The following GNAT3 variants were observed in gnomAD, a reference collection of about 807,000 sequenced individuals.
The protein encoded by GNAT3 is guanine nucleotide-binding protein G(t) subunit alpha-3.
Under a neutral mutation model 37.7 loss-of-function variants are expected in GNAT3, and 31 were observed. The observed-to-expected ratio is 0.82, with a 90% CI of 0.62 to 1.11. The LOEUF (loss-of-function observed/expected upper bound fraction) is 1.11, where lower values mean the gene tolerates loss of function less well. Ranked by LOEUF, GNAT3 falls within the 50% of genes most tolerant of loss-of-function variation. The pLI, the probability that GNAT3 is intolerant of heterozygous loss-of-function variation, is 0.00. For synonymous variants in GNAT3, 138 were observed against 139.8 expected, an observed-to-expected ratio of 0.99 and a Z score of 0.09; for missense variants, 437 against 412.5, an observed-to-expected ratio of 1.06 and a Z score of -0.51.
chr7:80,472,312 C>T (rs955112060), intron 5 of GNAT3, among the ~76,000 whole-genome samples: 2 of 152,074 alleles, frequency 1.3e-5, no homozygotes, highest in Non-Finnish European at 2.9e-5. Context: ...TCAAGAGCTA[C>T]AATCAGCCAG....
chr7:80,473,890 A>T (rs1444047635), intron 5 of GNAT3, among the ~76,000 whole-genome samples: 1 of 152,232 alleles, frequency 6.6e-6, no homozygotes, highest in African/African-American at 2.4e-5. Flanking sequence ...AAATAGGAAA[A>T]TAGAAAGGCA....
Position 80,511,896 on chromosome 7 carries a change from C to G in GNAT3, c.31G>C (p.Glu11Gln). The G allele has an allele frequency of 6.2e-7, 1 of 1,611,674 alleles. No individual in the cohort carries two copies. The highest frequency in any genetic ancestry group is 8.5e-7 in the Non-Finnish European group (1 of 1,178,544). Residue 11 changes from glutamate (E) to glutamine (Q), a missense_variant, in exon 1 of 8, where the codon GAG becomes CAG. Physicochemically the swap from Glu to Gln is conservative, Grantham distance 29. Coordinates refer to ENST00000398291, the MANE Select transcript of GNAT3 (RefSeq NM_001102386.3). MGSGISSESK[E>Q]SAKRSKELEK... ...AGTTCTTTTGATCTTTTGGCTGACT[C>G]CTTGCTCTCTGAACTAATTCCACTT...
At chr7:80,469,696 G>A (rs1790178323) in intron 5 of GNAT3, among the ~76,000 whole-genome samples, 1 of 152,048 alleles carries the variant, frequency 6.6e-6, no homozygotes, top group Non-Finnish European at 1.5e-5. Flanking sequence ...CTTATGCTAT[G>A]TGAATACAAA....
At chr7:80,485,726 A>G (rs1790467686) in intron 3 of GNAT3, among the ~76,000 whole-genome samples, 1 of 152,160 alleles carries the variant, frequency 6.6e-6, no homozygotes, top group South Asian at 2.1e-4. Flanking sequence ...CTAAATTTTA[A>G]TGATCCTATA....
intron 7 of GNAT3, among the ~76,000 whole-genome samples, chr7:80,459,623 G>A (rs918407702): frequency 6.6e-6 from 1 of 152,160 alleles, no homozygotes; most frequent in Admixed American, 6.5e-5. Flanking sequence ...AATAAAACAA[G>A]TAGGCTAAAA....
chr7:80,475,499 T>C (rs1790288543), intron 4 of GNAT3, among the ~76,000 whole-genome samples: 1 of 152,134 alleles, frequency 6.6e-6, no homozygotes, highest in African/African-American at 2.4e-5. Flanking sequence ...AGTAATAGCA[T>C]GGTAATGCCT....
chr7:80,475,255 G>A (rs796864527), intron 4 of GNAT3, among the ~76,000 whole-genome samples: 1 of 150,546 alleles, frequency 6.6e-6, no homozygotes, highest in African/African-American at 2.4e-5. Context: ...TGATGAACAG[G>A]AATAAGTCTA....
Position 80,497,671 on chromosome 7 carries a change from C to CACATATACGTAT in GNAT3, c.119-3025_119-3024insATACGTATATGT, listed in dbSNP as rs1790758297. Among the ~76,000 whole-genome samples, 6 of 91,152 alleles carry CACATATACGTAT rather than the reference C, an allele frequency of 6.6e-5. 1 individual carries two copies. The highest frequency in any genetic ancestry group is 6.4e-4 in the African/African-American group (6 of 9,364). The allele number at this position is 91,152 out of a possible 152,430, so 59.8% of individuals were successfully genotyped here. A position where few individuals can be genotyped will look rare whatever the true frequency, so the allele number is the denominator to read the frequency against. ...ATACGTATATACATATACGTATATA[C>CACATATACGTAT]ATACATATATACACACACACTGTCT... On this transcript the variant is annotated intron_variant, in intron 1 of 7. Transcript: ENST00000398291.
chr7:80,463,011 G>A (rs1361826843), intron 5 of GNAT3, among the ~76,000 whole-genome samples: 1 of 152,062 alleles, frequency 6.6e-6, no homozygotes, highest in Admixed American at 6.5e-5. Context: ...TAGTTCTGAT[G>A]TTATGATTCT....
chr7:80,458,826 T>C lies in GNAT3; in HGVS notation c.910A>G (p.Lys304Glu). The C allele has an allele frequency of 6.3e-7, 1 of 1,592,076 alleles. No individual in the cohort carries two copies. The highest frequency in any genetic ancestry group is 1.8e-5 in the Admixed American group (1 of 55,760). ...NTFEDAGNYI[K>E]NQFLDLNLKK... ...AAATTCAGGTCTAGAAACTGGTTCT[T>C]GATGTAGTTTCCTGCATCTTCAAAT... Residue 304 changes from lysine to glutamate, a missense_variant, in exon 8 of 8, where the codon AAG becomes GAG. Transcript: ENST00000398291.
At chr7:80,472,699 G>A (rs1191116514) in intron 5 of GNAT3, among the ~76,000 whole-genome samples, 1 of 152,088 alleles carries the variant, frequency 6.6e-6, no homozygotes, top group Non-Finnish European at 1.5e-5. Flanking sequence ...CCCGTTTATG[G>A]TCCAGACAAT....
intron 5 of GNAT3, among the ~76,000 whole-genome samples, chr7:80,464,949 A>G (rs1277295349): frequency 3.3e-5 from 5 of 152,134 alleles, no homozygotes; most frequent in African/African-American, 1.2e-4. Context: ...GTGTGTATAA[A>G]GAATATTATA....
At chr7:80,498,635 A>G (rs1282181220) in intron 1 of GNAT3, among the ~76,000 whole-genome samples, 1 of 152,162 alleles carries the variant, frequency 6.6e-6, no homozygotes, top group Non-Finnish European at 1.5e-5. Context: ...GTCTTGTGAG[A>G]TTAGATCATG....
chr7:80,496,447 C>A (rs1163705109), intron 1 of GNAT3, among the ~76,000 whole-genome samples: 3 of 152,054 alleles, frequency 2.0e-5, no homozygotes, highest in Non-Finnish European at 4.4e-5. Flanking sequence ...ATTTAAATTT[C>A]TAATTCGACT....
In GNAT3 at chr7:80,478,877, C is replaced by T; in HGVS notation, c.425G>A (p.Arg142Lys). The change falls in exon 4 of 8, where the codon AGG becomes AAG. Residue 142 changes from arginine (R) to lysine (K), a missense_variant. Coordinates refer to ENST00000398291, the MANE Select transcript of GNAT3 (RefSeq NM_001102386.3). ...RDPGIQACFE[R>K]ASEYQLNDSA... Reference sequence around the variant, plus strand: ...GTCATTGAGCTGATATTCAGATGCCCTTTCAAAGCAGGCCTGAATTCCTGG... The same window carrying T: ...GTCATTGAGCTGATATTCAGATGCCTTTTCAAAGCAGGCCTGAATTCCTGG... 1 of 1,613,302 alleles carries T rather than the reference C, an allele frequency of 6.2e-7. No individual in the cohort carries two copies. The highest frequency in any genetic ancestry group is 8.5e-7 in the Non-Finnish European group (1 of 1,179,494).
At chr7:80,482,196 C>T (rs1271466965) in intron 3 of GNAT3, among the ~76,000 whole-genome samples, 1 of 152,146 alleles carries the variant, frequency 6.6e-6, no homozygotes, top group African/African-American at 2.4e-5. Flanking sequence ...GATTTTCCTG[C>T]ATCAACACAG....
intron 1 of GNAT3, among the ~76,000 whole-genome samples, chr7:80,511,357 ATT>A (rs1284000489): frequency 3.3e-5 from 5 of 152,108 alleles, no homozygotes; most frequent in African/African-American, 1.2e-4. Flanking sequence ...TGACTAATTG[ATT>A]TTTAACTATA....
intron 2 of GNAT3, among the ~76,000 whole-genome samples, chr7:80,490,151 A>G (rs1047292912): frequency 6.6e-6 from 1 of 152,300 alleles, no homozygotes; most frequent in African/African-American, 2.4e-5. Flanking sequence ...AAAGAAATAC[A>G]TTATACAAGT....
chr7:80,468,947 C>A (rs1790165847), intron 5 of GNAT3, among the ~76,000 whole-genome samples: 1 of 151,992 alleles, frequency 6.6e-6, no homozygotes, highest in African/African-American at 2.4e-5. Context: ...AATTAAACAT[C>A]ATATTTTATA....
Sources: gnomAD v4.1 joint callset for allele counts (sites outside exome capture counted in the v4.1 genomes callset) on GRCh38, gnomAD v4.1.1 for gene constraint, MANE v1.5 for transcripts, NCBI Gene and HGNC (gene_info 2026-07-23, HGNC 2026-07-21) for gene names.